The following BORCS8 variants were observed in gnomAD, a reference collection of about 807,000 sequenced individuals.
BORCS8 encodes the protein BLOC-1-related complex subunit 8.
In BORCS8, 13 loss-of-function variants were observed where a neutral mutation model predicts 18.7. The ratio of observed to expected loss-of-function variants is 0.70; its 90% CI spans 0.45 to 1.11. BORCS8 has a LOEUF of 1.11. BORCS8 is among the 50% of genes least tolerant of loss of function. The pLI is 0.00. For missense variants in BORCS8, 165 were observed against 165.7 expected (o/e 1.00, Z 0.02); for synonymous variants, 68 against 64.8 (o/e 1.05, Z -0.24).
intron 2 of BORCS8, among the ~76,000 whole-genome samples, chr19:19,186,606 A>G (rs1017750954): frequency 1.3e-5 from 2 of 152,198 alleles, no homozygotes; most frequent in Non-Finnish European, 2.9e-5. Flanking sequence ...GAGGAAGTAC[A>G]TGTTTGCTTC....
chr19:19,188,124 G>A (rs2060428697), intron 1 of BORCS8, among the ~76,000 whole-genome samples: 1 of 151,862 alleles, frequency 6.6e-6, no homozygotes, highest in Non-Finnish European at 1.5e-5. Context: ...CCACCTCCTG[G>A]GTTCACGTCA....
chr19:19,186,800 A>C, intron 2 of BORCS8, 93 bp downstream of exon 2: 2 of 849,066 alleles, frequency 2.4e-6, no homozygotes, highest in Non-Finnish European at 3.6e-6. Flanking sequence ...CACGCCTCTG[A>C]CCTGGCTTTG....
In BORCS8 at chr19:19,182,413, C is replaced by G. The variant is rs1398515759; in HGVS notation, c.326+160G>C. 7.1e-7 allele frequency: 1 copy of G among 1,418,352 alleles called. No homozygotes were observed. Among genetic ancestry groups the G allele is most frequent in the Non-Finnish European group, 9.2e-7 (1 of 1,086,816 alleles). The allele number at this position is 1,418,352 out of a possible 1,614,324, so 87.9% of individuals were successfully genotyped here. On this transcript the variant is annotated intron_variant, in intron 4 of 5. Transcript: ENST00000462790. The surrounding 1 kb of genome is among the most constrained non-coding windows in gnomAD (Gnocchi z 4.1). ...GACCTCGGTATTAAGTGACTGAACT[C>G]AGGTTATAGATGCCACAGGACAAGA...
chr19:19,182,399 T>G lies in BORCS8; in HGVS notation c.326+174A>C. 7.1e-6 allele frequency: 10 copies of G among 1,408,848 alleles called. No homozygotes were observed. The South Asian group carries it at 1.5e-4, about 21-fold the overall frequency. 87.3% of individuals were successfully genotyped at this position (1,408,848 alleles called of 1,614,324 possible). A position where few individuals can be genotyped will look rare whatever the true frequency, so the allele number is the denominator to read the frequency against. ...ACAGCAGAGCGCAGGACCTCGGTAT[T>G]AAGTGACTGAACTCAGGTTATAGAT... On this transcript the variant is annotated intron_variant, in intron 4 of 5. Coordinates refer to ENST00000462790, the MANE Select transcript of BORCS8 (RefSeq NM_001145784.2). This position sits in a 1 kb window ranked among gnomAD's most constrained non-coding sequence, Gnocchi z 4.1.
rs1568562066 is a variant in BORCS8, at chr19:19,177,698, GAAAAGAA to G, written c.*43-245_*43-239del. 87 of 39,272 alleles carry G rather than the reference GAAAAGAA, an allele frequency of 2.2e-3. 1 individual carries two copies. The highest frequency in any genetic ancestry group is 0.016 in the Middle Eastern group (2 of 124). The allele number at this position is 39,272 out of a possible 1,614,324, so 2.4% of individuals were successfully genotyped here. On this transcript the variant is annotated intron_variant, in intron 5 of 5. Coordinates refer to ENST00000462790, the MANE Select transcript of BORCS8 (RefSeq NM_001145784.2). ...GAAGGAAGGAAGGAAGGAAGGAAGA[GAAAAGAA>G]AAGAAAAGAAAAGAAAAGAAAAGAA...
intron 5 of BORCS8, chr19:19,177,700 A>C: frequency 1.8e-5 from 1 of 54,372 alleles, no homozygotes; most frequent in South Asian, 2.3e-4. Flanking sequence ...AAGGAAGAGA[A>C]AAGAAAAGAA....
chr19:19,186,421 T>C (rs2060409630), intron 2 of BORCS8, among the ~76,000 whole-genome samples: 1 of 152,236 alleles, frequency 6.6e-6, no homozygotes, highest in African/African-American at 2.4e-5. Context: ...CCTTGAATTG[T>C]AGTTCCCATA....
chr19:19,188,733 C>T (rs1187074435), intron 1 of BORCS8, among the ~76,000 whole-genome samples: 7 of 152,166 alleles, frequency 4.6e-5, no homozygotes, highest in Non-Finnish European at 1.0e-4. Flanking sequence ...AGGATGAGGC[C>T]TCCCTCTGCA....
intron 1 of BORCS8, among the ~76,000 whole-genome samples, 156 bp downstream of exon 1, chr19:19,191,925 C>A (rs1190725348): frequency 6.6e-6 from 1 of 152,204 alleles, no homozygotes; most frequent in African/African-American, 2.4e-5. Context: ...AGACACGGAG[C>A]CTTTCTACAG....
chr19:19,188,280 C>T (rs1015515279), intron 1 of BORCS8, among the ~76,000 whole-genome samples: 3 of 151,362 alleles, frequency 2.0e-5, no homozygotes, highest in African/African-American at 4.9e-5. Flanking sequence ...CCGCCTGCCT[C>T]GGGCTCCAAA....
rs751013554 is a variant in BORCS8 at position 19,182,557 on chromosome 19, C to T, written c.326+16G>A. On this transcript the variant is annotated intron_variant, in intron 4 of 5. Coordinates refer to ENST00000462790, the MANE Select transcript of BORCS8 (RefSeq NM_001145784.2). The surrounding 1 kb of genome is among the most constrained non-coding windows in gnomAD (Gnocchi z 4.1). ...AGCTGGGAGTGGCAGTGGGGGCGGG[C>T]GGTCCCAGGAGCTACCTGTGGCCCT... The T allele has an allele frequency of 7.8e-6, 12 of 1,546,922 alleles. No individual in the cohort carries two copies. Among genetic ancestry groups the T allele is most frequent in the Admixed American group, 2.0e-5 (1 of 50,598 alleles).
chr19:19,190,008 G>A (rs1255347110), intron 1 of BORCS8, among the ~76,000 whole-genome samples: 1 of 151,986 alleles, frequency 6.6e-6, no homozygotes, highest in African/African-American at 2.4e-5. Flanking sequence ...CAAGGCCTTT[G>A]CACTTGGTAT....
At chr19:19,187,033 G>A (rs774123904) in intron 1 of BORCS8, 28 bp from the exon 2 acceptor site, 1 of 1,512,432 alleles carries the variant, frequency 6.6e-7, no homozygotes, top group Non-Finnish European at 9.0e-7. Context: ...GGATGGGGCG[G>A]GTGTGGGGAG....
intron 5 of BORCS8, chr19:19,177,696 G>GGAAAAAGAAA (rs1376064847): frequency 5.4e-5 from 4 of 74,676 alleles, no homozygotes; most frequent in African/African-American, 2.0e-4. Flanking sequence ...AAGGAAGGAA[G>GGAAAAAGAAA]AGAAAAGAAA....
intron 1 of BORCS8, among the ~76,000 whole-genome samples, chr19:19,188,935 G>T (rs1453468633): frequency 6.6e-6 from 1 of 151,518 alleles, no homozygotes; most frequent in East Asian, 1.9e-4. Context: ...CCCGGGTTCA[G>T]GTGATTCTCC....
At position 19,183,663 on chromosome 19, in the gene BORCS8, C is replaced by A. The variant is rs568922354; in HGVS notation, c.216-980G>T. On this transcript the variant is annotated intron_variant, in intron 3 of 5. Coordinates refer to ENST00000462790, the MANE Select transcript of BORCS8 (RefSeq NM_001145784.2). ...GCAATGGTGTGATCTCGGCTCACTGCAACCTCCGCCTCCCAGGTTCAAGCA... is the reference window on the plus strand; with the variant it reads ...GCAATGGTGTGATCTCGGCTCACTGAAACCTCCGCCTCCCAGGTTCAAGCA... Among the ~76,000 whole-genome samples the A allele has an allele frequency of 2.8e-4, 43 of 151,164 alleles. 1 individual carries two copies. Among genetic ancestry groups the A allele is most frequent in the Admixed American group, 2.7e-3 (41 of 15,186 alleles).
intron 5 of BORCS8, chr19:19,180,439 G>A (rs1390597554): frequency 1.8e-6 from 1 of 564,970 alleles, no homozygotes; most frequent in African/African-American, 1.9e-5. Context: ...GGGGCCTATG[G>A]CCTGGAAAAG....
chr19:19,181,088 G>A (rs1046735423), intron 4 of BORCS8, among the ~76,000 whole-genome samples: 20 of 152,088 alleles, frequency 1.3e-4, no homozygotes, highest in Non-Finnish European at 2.1e-4. Context: ...CCAGCTACTC[G>A]AGAGGCTGAG....
At chr19:19,188,020 T>C (rs891250303) in intron 1 of BORCS8, among the ~76,000 whole-genome samples, 3 of 151,590 alleles carry the variant, frequency 2.0e-5, no homozygotes, top group Non-Finnish European at 4.4e-5. Context: ...TTTTTTCATT[T>C]ATTTATTTAT....
Sources: allele counts gnomAD v4.1 joint callset (sites outside exome capture counted in the v4.1 genomes callset), GRCh38; gene constraint gnomAD v4.1.1; non-coding constraint Gnocchi (gnomAD v3.1); transcripts MANE v1.5; gene names NCBI Gene and HGNC (gene_info 2026-07-23, HGNC 2026-07-21).